CADM2: variants seen among roughly 807,000 people sequenced by gnomAD.
CADM2 encodes the protein cell adhesion molecule 2, also known as immunoglobulin superfamily member 4D.
In CADM2, 12 loss-of-function variants were observed where a neutral mutation model predicts 49.8. That is an observed-to-expected ratio of 0.24 (90% CI 0.15 to 0.39). CADM2 has a LOEUF of 0.39. Among genes scored for constraint, CADM2 ranks in the 10% least tolerant of loss-of-function variants. The probability of loss-of-function intolerance (pLI) is 1.00; values close to 1 mark genes in which losing one functional copy is unlikely to be tolerated. For synonymous variants in CADM2, 214 were observed against 175.4 expected (o/e 1.22, Z -1.74); for missense variants, 378 against 492.3 (o/e 0.77, Z 2.20).
At chr3:85,618,666 G>A (rs2063871928) in intron 1 of CADM2, among the ~76,000 whole-genome samples, 1 of 151,932 alleles carries the variant, frequency 6.6e-6, no homozygotes, top group East Asian at 1.9e-4. Flanking sequence ...TATATAAGGA[G>A]AGAGTATAAT....
intron 1 of CADM2, among the ~76,000 whole-genome samples, chr3:85,309,764 C>A (rs1576326779): frequency 6.6e-6 from 1 of 152,142 alleles, no homozygotes; most frequent in South Asian, 2.1e-4. Context: ...ATTCGCTAGG[C>A]TTTATCCCTG....
chr3:86,034,236 A>ACCCCCCAG (rs1734898363), intron 8 of CADM2, among the ~76,000 whole-genome samples: 2 of 151,904 alleles, frequency 1.3e-5, no homozygotes, highest in Admixed American at 1.3e-4. Flanking sequence ...TGAGGCTCTG[A>ACCCCCCAG]TATGGACTGA....
intron 2 of CADM2, 90 bp from the exon 3 acceptor site, chr3:85,801,957 T>C: frequency 9.6e-7 from 1 of 1,046,778 alleles, no homozygotes; most frequent in Non-Finnish European, 1.4e-6. Flanking sequence ...AATTTTATTT[T>C]GCATGAGAAG....
intron 8 of CADM2, among the ~76,000 whole-genome samples, chr3:85,963,319 G>A (rs1375707399): frequency 6.6e-6 from 1 of 151,900 alleles, no homozygotes; most frequent in Non-Finnish European, 1.5e-5. Context: ...CAATTAGACT[G>A]ATAAATTGTA....
intron 1 of CADM2, among the ~76,000 whole-genome samples, chr3:85,540,914 G>T (rs996619666): frequency 6.6e-5 from 10 of 152,060 alleles, no homozygotes; most frequent in Non-Finnish European, 8.8e-5. Context: ...TGTCACTTCT[G>T]TGTCTCTTTC....
chr3:85,474,078 TATTATA>T (rs2038880225), intron 1 of CADM2, among the ~76,000 whole-genome samples: 1 of 151,958 alleles, frequency 6.6e-6, no homozygotes, highest in Non-Finnish European at 1.5e-5. Flanking sequence ...TATTAAAAAT[TATTATA>T]ATTATATTCT....
At position 85,465,559 on chromosome 3, in the gene CADM2, T is replaced by G. The variant is rs187087291; in HGVS notation, c.62-260963T>G. ...GTGAGTCATATTCACCTGGAAAAAA[T>G]ATAAATTATTAGATATTTTATATTT... On this transcript the variant is annotated intron_variant, in intron 1 of 9. Transcript: ENST00000383699. 5.4e-4 allele frequency among the ~76,000 whole-genome samples: 82 copies of G among 152,250 alleles called. 1 individual carries two copies. The highest frequency in any genetic ancestry group is 1.8e-3 in the African/African-American group (73 of 41,542).
intron 1 of CADM2, among the ~76,000 whole-genome samples, chr3:85,670,803 T>G (rs964489120): frequency 1.3e-5 from 2 of 152,188 alleles, no homozygotes; most frequent in Non-Finnish European, 2.9e-5. Flanking sequence ...ATGTTGTCAT[T>G]CATAGCATAA....
At chr3:85,128,358 G>T (rs2039108574) in intron 1 of CADM2, among the ~76,000 whole-genome samples, 1 of 152,132 alleles carries the variant, frequency 6.6e-6, no homozygotes, top group Non-Finnish European at 1.5e-5. Context: ...TTTATATGAA[G>T]AAGAAAATTA....
At chr3:85,620,158 A>G (rs1425694131) in intron 1 of CADM2, among the ~76,000 whole-genome samples, 1 of 152,120 alleles carries the variant, frequency 6.6e-6, no homozygotes, top group East Asian at 1.9e-4. Flanking sequence ...TTCACATGGA[A>G]AGGAATTAAA....
chr3:85,948,424 A>G (rs535064086), intron 7 of CADM2, among the ~76,000 whole-genome samples: 4 of 151,538 alleles, frequency 2.6e-5, no homozygotes, highest in Non-Finnish European at 4.4e-5. Context: ...CACCTATTAT[A>G]CCAGCTGTTA....
chr3:85,845,659 A>G (rs2074849286), intron 3 of CADM2, among the ~76,000 whole-genome samples: 2 of 152,162 alleles, frequency 1.3e-5, no homozygotes, highest in Non-Finnish European at 1.5e-5. Context: ...GTCAGATTAT[A>G]TCATGTGCTA....
intron 3 of CADM2, among the ~76,000 whole-genome samples, chr3:85,873,343 A>G (rs1243930149): frequency 1.3e-5 from 2 of 152,218 alleles, no homozygotes; most frequent in African/African-American, 4.8e-5. Flanking sequence ...TTAAAGAAAG[A>G]AAATTCAACA....
At chr3:85,794,648 G>C (rs1325950733) in intron 2 of CADM2, among the ~76,000 whole-genome samples, 1 of 152,038 alleles carries the variant, frequency 6.6e-6, no homozygotes, top group Non-Finnish European at 1.5e-5. Flanking sequence ...TGAAATCTAG[G>C]ATGGTGGTGA....
chr3:85,724,966 G>C, intron 1 of CADM2, among the ~76,000 whole-genome samples: 1 of 151,618 alleles, frequency 6.6e-6, no homozygotes, highest in South Asian at 2.1e-4. Flanking sequence ...ATCATAAGTA[G>C]TAAATATATC....
chr3:85,026,350 A>T (rs945138367), intron 1 of CADM2, among the ~76,000 whole-genome samples: 4 of 152,200 alleles, frequency 2.6e-5, no homozygotes, highest in African/African-American at 9.6e-5. Context: ...ATGTACAATT[A>T]TGATTATCTA....
chr3:85,398,957 G>GT (rs2034943514), intron 1 of CADM2, among the ~76,000 whole-genome samples: 1 of 152,074 alleles, frequency 6.6e-6, no homozygotes. Flanking sequence ...TAGACTGCCT[G>GT]TTCACTCTCA....
At chr3:85,526,845 C>A (rs924315612) in intron 1 of CADM2, among the ~76,000 whole-genome samples, 1 of 152,078 alleles carries the variant, frequency 6.6e-6, no homozygotes. Flanking sequence ...CATTTTATAG[C>A]TAAGGGAACT....
intron 3 of CADM2, among the ~76,000 whole-genome samples, chr3:85,821,288 T>C (rs1292651443): frequency 2.0e-5 from 3 of 152,110 alleles, no homozygotes; most frequent in African/African-American, 7.2e-5. Context: ...GGATCAGACA[T>C]CAATAATCTT....
Sources: allele counts gnomAD v4.1 joint callset (sites outside exome capture counted in the v4.1 genomes callset), GRCh38; gene constraint gnomAD v4.1.1; transcripts MANE v1.5; gene names NCBI Gene and HGNC (gene_info 2026-07-23, HGNC 2026-07-21).